The following USP6NL variants were observed in gnomAD, a reference collection of about 807,000 sequenced individuals.
USP6NL encodes the protein USP6 N-terminal like, also known as USP6 N-terminal-like protein.
USP6NL carries 26 observed loss-of-function variants against 61.9 expected under a neutral mutation model. The ratio of observed to expected loss-of-function variants is 0.42; its 90% CI spans 0.31 to 0.58. The LOEUF (loss-of-function observed/expected upper bound fraction) is 0.58. Among genes scored for constraint, USP6NL ranks in the 20% least tolerant of loss-of-function variants. The pLI is 0.16. For missense variants in USP6NL, 1,114 were observed against 1,034.3 expected (o/e 1.08, Z -1.06); for synonymous variants, 432 against 390.1 (o/e 1.11, Z -1.27).
chr10:11,525,535 AG>A lies in USP6NL; in HGVS notation c.73-68del, dbSNP rs1241139310. ...AAACTGAATAATTTTTTAAAATAAA[AG>A]GACGAAGAAATAAGAGCTATTTTTA... On this transcript the variant is annotated intron_variant, in intron 3 of 14. Coordinates refer to ENST00000609104, the MANE Select transcript of USP6NL (RefSeq NM_014688.5). This position sits in a 1 kb window ranked among gnomAD's most constrained non-coding sequence, Gnocchi z 5.0. 7 of 1,357,296 alleles carry A rather than the reference AG, an allele frequency of 5.2e-6. No individual in the cohort carries two copies. The highest frequency in any genetic ancestry group is 7.0e-6 in the Non-Finnish European group (7 of 1,004,364). The allele number at this position is 1,357,296 out of a possible 1,614,324, so 84.1% of individuals were successfully genotyped here. A position where few individuals can be genotyped will look rare whatever the true frequency, so the allele number is the denominator to read the frequency against.
rs11257128 is a variant in USP6NL at position 11,495,297 on chromosome 10, T to C, written c.385-2069A>G. On this transcript the variant is annotated intron_variant, in intron 7 of 14. Coordinates refer to ENST00000609104, the MANE Select transcript of USP6NL (RefSeq NM_014688.5). The surrounding 1 kb of genome is among the most constrained non-coding windows in gnomAD (Gnocchi z 4.6). ...ATATAGAGTAATTGCTACAAACTAA[T>C]GATTAATGATATTCATATATAATCA... is the stretch of plus-strand genomic sequence containing the variant. Among the ~76,000 whole-genome samples the C allele has an allele frequency of 0.01, 1,536 of 152,354 alleles. 10 individuals carry two copies. Among genetic ancestry groups the C allele is most frequent in the Admixed American group, 0.021 (316 of 15,300 alleles).
At chr10:11,475,806 TA>T (rs893470076) in intron 14 of USP6NL, among the ~76,000 whole-genome samples, 5 of 152,050 alleles carry the variant, frequency 3.3e-5, no homozygotes, top group South Asian at 2.1e-4. Context: ...TTTTTTTAAT[TA>T]AAAAAACTTT....
rs956696272 is a variant in USP6NL at position 11,540,295 on chromosome 10, T to A, written c.5-12728A>T. ...TCATAATCAACTGGACCTGCTATAT[T>A]ATGTTTTAAGTTGTGTGTTTTAGGA... On this transcript the variant is annotated intron_variant, in intron 2 of 14. Coordinates refer to ENST00000609104, the MANE Select transcript of USP6NL (RefSeq NM_014688.5). The surrounding 1 kb of genome is among the most constrained non-coding windows in gnomAD (Gnocchi z 5.0). Among the ~76,000 whole-genome samples, 4 of 152,224 alleles carry A rather than the reference T, an allele frequency of 2.6e-5. No homozygotes were observed. The highest frequency in any genetic ancestry group is 5.9e-5 in the Non-Finnish European group (4 of 68,024).
rs902738407 is a variant in USP6NL at position 11,476,136 on chromosome 10, A to T, written c.1078+5634T>A. Among the ~76,000 whole-genome samples, 5 of 152,198 alleles carry T rather than the reference A, an allele frequency of 3.3e-5. No individual in the cohort carries two copies. The highest frequency in any genetic ancestry group is 5.9e-5 in the Non-Finnish European group (4 of 68,032). On this transcript the variant is annotated intron_variant, in intron 14 of 14. Transcript: ENST00000609104. The surrounding 1 kb of genome is among the most constrained non-coding windows in gnomAD (Gnocchi z 4.3). The stretch of plus-strand genomic sequence containing the variant: ...CAAGCGACTTAAGCCCATAACAAAT[A>T]CAAAATGTAGCCCTGACTAAGTGCT...
chr10:11,542,138 T>C (rs1239488686), intron 2 of USP6NL, among the ~76,000 whole-genome samples: 1 of 152,184 alleles, frequency 6.6e-6, no homozygotes, highest in Non-Finnish European at 1.5e-5. Flanking sequence ...AGCTTTTCCT[T>C]GGAGAAATGA....
chr10:11,571,067 C>T (rs1293746419), intron 2 of USP6NL, among the ~76,000 whole-genome samples: 2 of 149,822 alleles, frequency 1.3e-5, no homozygotes, highest in African/African-American at 5.0e-5. Flanking sequence ...TTATAATTTC[C>T]CTCCCTCCCC....
chr10:11,519,639 C>CAAATAAAT (rs199995086), intron 4 of USP6NL, among the ~76,000 whole-genome samples: 3 of 151,804 alleles, frequency 2.0e-5, no homozygotes, highest in African/African-American at 7.3e-5. Context: ...TCAAAATAAA[C>CAAATAAAT]AAATAAATAA....
At chr10:11,486,222 G>C (rs1194392881) in intron 10 of USP6NL, among the ~76,000 whole-genome samples, 1 of 149,144 alleles carries the variant, frequency 6.7e-6, no homozygotes, top group Non-Finnish European at 1.5e-5. Context: ...TAAGATATTG[G>C]GCCATATCTT....
At chr10:11,546,705 T>A (rs573776464) in intron 2 of USP6NL, among the ~76,000 whole-genome samples, 90 of 152,296 alleles carry the variant, frequency 5.9e-4, no homozygotes, top group Non-Finnish European at 1.2e-3. Flanking sequence ...TTATAGGACT[T>A]GCCTTCAGTT....
At chr10:11,488,972 T>C (rs1833594858) in intron 10 of USP6NL, 130 bp downstream of exon 10, 5 of 1,200,638 alleles carry the variant, frequency 4.2e-6, no homozygotes, top group Non-Finnish European at 5.7e-6. Flanking sequence ...TAGTAACAAA[T>C]ACTAATGAAC....
Position 11,520,050 on chromosome 10 carries a change from G to A in USP6NL, c.156-1476C>T, listed in dbSNP as rs1469152683. ...ACAAAACTAACACAAAAGAATAACC[G>A]CCAAAAGAGATCTTAGAGTCCAAAT... On this transcript the variant is annotated intron_variant, in intron 4 of 14. Transcript: ENST00000609104. The surrounding 1 kb of genome is among the most constrained non-coding windows in gnomAD (Gnocchi z 5.2). Among the ~76,000 whole-genome samples the A allele has an allele frequency of 2.6e-5, 4 of 152,100 alleles. No homozygotes were observed. The highest frequency in any genetic ancestry group is 1.5e-5 in the Non-Finnish European group (1 of 68,016).
chr10:11,565,819 A>G (rs1157178694), intron 2 of USP6NL, among the ~76,000 whole-genome samples: 1 of 152,160 alleles, frequency 6.6e-6, no homozygotes, highest in Non-Finnish European at 1.5e-5. Flanking sequence ...TCTAATGCTG[A>G]CATCACAGGT....
At position 11,468,452 on chromosome 10, in the gene USP6NL, G is replaced by C. The variant is rs1330829077; in HGVS notation, c.1079-4603C>G. 6.6e-6 allele frequency among the ~76,000 whole-genome samples: 1 copy of C among 152,130 alleles called. No homozygotes were observed. The highest frequency in any genetic ancestry group is 1.5e-5 in the Non-Finnish European group (1 of 68,024). ...GAAAACATGGAAGCGAAACACTACT[G>C]GACTACTGCCTACACCCCTCACTCA... is the stretch of plus-strand genomic sequence containing the variant. On this transcript the variant is annotated intron_variant, in intron 14 of 14. Transcript: ENST00000609104. This position sits in a 1 kb window ranked among gnomAD's most constrained non-coding sequence, Gnocchi z 4.5.
At position 11,532,179 on chromosome 10, in the gene USP6NL, C is replaced by A; in HGVS notation, c.5-4612G>T. 7 of 1,590,692 alleles carry A rather than the reference C, an allele frequency of 4.4e-6. No homozygotes were observed. The highest frequency in any genetic ancestry group is 6.0e-6 in the Non-Finnish European group (7 of 1,164,910). On this transcript the variant is annotated intron_variant, in intron 2 of 14. Transcript: ENST00000609104. The surrounding 1 kb of genome is among the most constrained non-coding windows in gnomAD (Gnocchi z 4.1). ...ACATCAATTTTAAAAGTACTTTACC[C>A]TTTGTGAGATAATCAGTCTGGCCTT... is the stretch of plus-strand genomic sequence containing the variant.
intron 2 of USP6NL, among the ~76,000 whole-genome samples, chr10:11,531,648 A>G (rs1835664154): frequency 1.3e-5 from 2 of 149,558 alleles, no homozygotes; most frequent in Middle Eastern, 3.2e-3. Flanking sequence ...CAGTCCTCTC[A>G]TTTCACCAGG....
rs375645368 is a variant in USP6NL, at chr10:11,510,975, A to T, written c.196-1300T>A. ...GGATGGAAGCAGCAGCTCCTTACTG[A>T]CTGTCTGCAATCCAGCCTCAAACAG... On this transcript the variant is annotated intron_variant, in intron 5 of 14. Coordinates refer to ENST00000609104, the MANE Select transcript of USP6NL (RefSeq NM_014688.5). The surrounding 1 kb of genome is among the most constrained non-coding windows in gnomAD (Gnocchi z 4.8). 3.3e-5 allele frequency among the ~76,000 whole-genome samples: 5 copies of T among 152,216 alleles called. No homozygotes were observed. Among genetic ancestry groups the T allele is most frequent in the African/African-American group, 1.2e-4 (5 of 41,446 alleles).
chr10:11,554,853 G>A lies in USP6NL; in HGVS notation c.5-27286C>T, dbSNP rs541863066. Among the ~76,000 whole-genome samples, 486 of 148,444 alleles carry A rather than the reference G, an allele frequency of 3.3e-3. 3 individuals are homozygous for A. Among genetic ancestry groups the A allele is most frequent in the Non-Finnish European group, 5.9e-3 (394 of 67,258 alleles). ...CTTGCTCTGTCACCCAGGCTGGAGT[G>A]CAGTGGTGCGATCTCCACTCACTGC... On this transcript the variant is annotated intron_variant, in intron 2 of 14. Coordinates refer to ENST00000609104, the MANE Select transcript of USP6NL (RefSeq NM_014688.5).
At chr10:11,517,719 T>G (rs1005487246) in intron 5 of USP6NL, among the ~76,000 whole-genome samples, 2 of 152,242 alleles carry the variant, frequency 1.3e-5, no homozygotes, top group Non-Finnish European at 2.9e-5. Context: ...GTTTTGATTT[T>G]CAGAAAAGTT....
intron 2 of USP6NL, among the ~76,000 whole-genome samples, chr10:11,541,274 T>C (rs1419184624): frequency 1.6e-5 from 2 of 122,700 alleles, no homozygotes; most frequent in African/African-American, 6.5e-5. Flanking sequence ...TATATATATA[T>C]ATGTATGTCA....
Sources: gnomAD v4.1 joint callset for allele counts (sites outside exome capture counted in the v4.1 genomes callset) on GRCh38, gnomAD v4.1.1 for gene constraint, Gnocchi (gnomAD v3.1) non-coding constraint, MANE v1.5 for transcripts, NCBI Gene and HGNC (gene_info 2026-07-23, HGNC 2026-07-21) for gene names.